OTOGL: variants seen among roughly 807,000 people sequenced by gnomAD.
OTOGL encodes otogelin like.
OTOGL carries 285 observed loss-of-function variants against 318.5 expected under a neutral mutation model. The observed-to-expected ratio is 0.89, with a 90% CI of 0.81 to 0.99. The LOEUF (loss-of-function observed/expected upper bound fraction) is 0.99, where lower values mean the gene tolerates loss of function less well. OTOGL is among the 50% of genes least tolerant of loss of function. The probability of loss-of-function intolerance (pLI) is 0.00; values close to 1 mark genes in which losing one functional copy is unlikely to be tolerated. For synonymous variants in OTOGL, 987 were observed against 936.5 expected (o/e 1.05, Z -0.99); for missense variants, 2,899 against 2,845.6 (o/e 1.02, Z -0.43).
chr12:80,226,177 AACACAC>A (rs35975748), intron 7 of OTOGL, among the ~76,000 whole-genome samples: 3,170 of 132,924 alleles, frequency 0.024, 55 homozygotes, highest in African/African-American at 0.048. Flanking sequence ...TCCTGCTCCT[AACACAC>A]ACACACACAC....
chr12:80,320,828 G>C, intron 34 of OTOGL, 128 bp downstream of exon 34: 1 of 974,604 alleles, frequency 1.0e-6, no homozygotes, highest in Non-Finnish European at 1.5e-6. Flanking sequence ...CCTTAAGTAA[G>C]TGTCTTAACC....
chr12:80,220,963 C>A (rs1878264780), intron 6 of OTOGL, among the ~76,000 whole-genome samples: 1 of 151,954 alleles, frequency 6.6e-6, no homozygotes, highest in South Asian at 2.1e-4. Flanking sequence ...CACAGTTGTC[C>A]AAGGCTAATA....
At position 80,333,954 on chromosome 12, in the gene OTOGL, T is replaced by C. The variant is rs142201495; in HGVS notation, c.4422+876T>C. On this transcript the variant is annotated intron_variant, in intron 38 of 58. Coordinates refer to ENST00000547103, the MANE Select transcript of OTOGL (RefSeq NM_001378609.3). The stretch of plus-strand genomic sequence containing the variant: ...AGGAATAAAATAGTAGACAATAAAG[T>C]AGATTATGTTAGACCTTGTGTTGTA... 8.7e-4 allele frequency among the ~76,000 whole-genome samples: 132 copies of C among 152,234 alleles called. No homozygotes were observed. In the East Asian group the frequency reaches 0.017, roughly 20 times the overall value.
chr12:80,329,182 T>C, intron 37 of OTOGL, 63 bp downstream of exon 37: 6 of 1,264,726 alleles, frequency 4.7e-6, no homozygotes, highest in Non-Finnish European at 6.3e-6. Context: ...GCTTAATTTA[T>C]GTAATTTAGG....
chr12:80,343,608 C>T (rs1888977023), intron 44 of OTOGL: 2 of 133,864 alleles, frequency 1.5e-5, no homozygotes, highest in Non-Finnish European at 3.1e-5. Context: ...TACTCGTATA[C>T]CCTTGACCAA....
At chr12:80,360,076 C>T (rs1890143364) in intron 52 of OTOGL, among the ~76,000 whole-genome samples, 1 of 152,150 alleles carries the variant, frequency 6.6e-6, no homozygotes, top group Non-Finnish European at 1.5e-5. Flanking sequence ...CAAGGCACAA[C>T]TTGAAACAAG....
chr12:80,287,001 C>T (rs189589394), intron 26 of OTOGL, among the ~76,000 whole-genome samples: 14 of 148,198 alleles, frequency 9.4e-5, no homozygotes, highest in Admixed American at 2.6e-4. Flanking sequence ...AGATCATTCC[C>T]GCCTTCTGAT....
At chr12:80,299,205 C>T (rs146478742) in intron 27 of OTOGL, among the ~76,000 whole-genome samples, 280 of 152,292 alleles carry the variant, frequency 1.8e-3, no homozygotes, top group African/African-American at 3.9e-3. Context: ...AGCAATCAAC[C>T]TTTGGGCAAA....
At chr12:80,111,035 G>T (rs1869808186) in intron 1 of OTOGL, among the ~76,000 whole-genome samples, 2 of 151,988 alleles carry the variant, frequency 1.3e-5, no homozygotes, top group Admixed American at 1.3e-4. Flanking sequence ...TTTGTTGGCT[G>T]CATGGCTGCA....
At chr12:80,298,701 G>A (rs1389755886) in intron 27 of OTOGL, among the ~76,000 whole-genome samples, 1 of 152,102 alleles carries the variant, frequency 6.6e-6, no homozygotes, top group Non-Finnish European at 1.5e-5. Flanking sequence ...TTGTATAACT[G>A]CAGGTGGTTT....
chr12:80,220,139 T>C (rs1213621463), intron 6 of OTOGL, among the ~76,000 whole-genome samples: 8 of 152,086 alleles, frequency 5.3e-5, no homozygotes, highest in Admixed American at 1.3e-4. Context: ...TTTTTCTACT[T>C]TCTATAGTAA....
At chr12:80,310,846 T>A in intron 30 of OTOGL, 119 bp downstream of exon 30, 11 of 699,184 alleles carry the variant, frequency 1.6e-5, no homozygotes, top group Middle Eastern at 2.8e-4. Context: ...ACCACCTAAC[T>A]ATTGTTAGGG....
At position 80,232,881 on chromosome 12, in the gene OTOGL, T is replaced by G. The variant is rs1250935942; in HGVS notation, c.612-11T>G. The G allele has an allele frequency of 6.3e-7, 1 of 1,582,920 alleles. No homozygotes were observed. The highest frequency in any genetic ancestry group is 2.2e-5 in the East Asian group (1 of 44,802). The stretch of plus-strand genomic sequence containing the variant: ...CATCATTCTTAGATAGCTTTTGTTC[T>G]GTTTTTCAAGTTTAACATTGCCTCA... On this transcript the variant is annotated splice_polypyrimidine_tract_variant and intron_variant, in intron 8 of 58. Transcript: ENST00000547103.
At chr12:80,103,359 G>T (rs1310174513) in intron 1 of OTOGL, 2 of 1,160,182 alleles carry the variant, frequency 1.7e-6, no homozygotes, top group East Asian at 2.3e-5. Flanking sequence ...TTCGGTGATC[G>T]ATCTTCTTTT....
At chr12:80,218,233 C>T (rs892790229) in intron 5 of OTOGL, among the ~76,000 whole-genome samples, 2 of 152,112 alleles carry the variant, frequency 1.3e-5, no homozygotes, top group Non-Finnish European at 2.9e-5. Context: ...AGATGTGCAC[C>T]TAGTGGAAAA....
rs1592529559 is a variant in OTOGL, at chr12:80,188,289, C to T, written c.-19-21124C>T. ...GAGCGGTGGTTCATGCCTGTAATCCCAGCACTTTGAGAGGCCGAGGCGGGC... is the reference window on the plus strand; with the variant it reads ...GAGCGGTGGTTCATGCCTGTAATCCTAGCACTTTGAGAGGCCGAGGCGGGC... On this transcript the variant is annotated intron_variant, in intron 1 of 58. Coordinates refer to ENST00000547103, the MANE Select transcript of OTOGL (RefSeq NM_001378609.3). Among the ~76,000 whole-genome samples the T allele has an allele frequency of 2.6e-5, 4 of 152,080 alleles. No individual in the cohort carries two copies. In the East Asian group the frequency reaches 7.7e-4, roughly 29 times the overall value.
intron 1 of OTOGL, among the ~76,000 whole-genome samples, chr12:80,207,058 CAT>C (rs1491372766): frequency 6.6e-6 from 1 of 150,376 alleles, no homozygotes; most frequent in African/African-American, 2.4e-5. Flanking sequence ...ATAATTTTCA[CAT>C]GACTTTACAT....
Position 80,296,973 on chromosome 12 carries a change from ATTTC to A in OTOGL, c.3063+17_3063+20del. ...CTCCTTACAAACAGGTTAGTGAATT[ATTTC>A]TTTCAGGATCATTTGAACTTGTCCT... On this transcript the variant is annotated intron_variant, in intron 27 of 58. Transcript: ENST00000547103. 6.5e-7 allele frequency: 1 copy of A among 1,526,932 alleles called. No individual in the cohort carries two copies. Among genetic ancestry groups the A allele is most frequent in the South Asian group, 1.2e-5 (1 of 82,346 alleles). 94.6% of individuals were successfully genotyped at this position (1,526,932 alleles called of 1,614,324 possible). A position where few individuals can be genotyped will look rare whatever the true frequency, so the allele number is the denominator to read the frequency against.
intron 23 of OTOGL, 81 bp from the exon 24 acceptor site, chr12:80,271,567 C>A: frequency 3.0e-6 from 4 of 1,349,168 alleles, no homozygotes; most frequent in East Asian, 2.5e-5. Flanking sequence ...TAGAATAAAC[C>A]TATTTTATGA....
Sources: gnomAD v4.1 joint callset for allele counts (sites outside exome capture counted in the v4.1 genomes callset) on GRCh38, gnomAD v4.1.1 for gene constraint, MANE v1.5 for transcripts, NCBI Gene and HGNC (gene_info 2026-07-23, HGNC 2026-07-21) for gene names.